ITPR1: variants seen among roughly 807,000 people sequenced by gnomAD.
ITPR1 encodes inositol 1,4,5-trisphosphate receptor type 1.
ITPR1 carries 96 observed loss-of-function variants against 318.4 expected under a neutral mutation model. That is an observed-to-expected ratio of 0.30 (90% confidence interval 0.26 to 0.36). The LOEUF is 0.36. ITPR1 is among the 10% of genes least tolerant of loss of function. ITPR1 has a pLI of 1.00. For synonymous variants in ITPR1, 1,312 were observed against 1,289.9 expected (o/e 1.02, Z -0.37); for missense variants, 2,440 against 3,460.2 (o/e 0.71, Z 7.40).
intron 4 of ITPR1, among the ~76,000 whole-genome samples, chr3:4,609,066 A>ATATAT (rs1553643440): frequency 1.3e-5 from 1 of 78,982 alleles, no homozygotes; most frequent in Admixed American, 1.1e-4. Context: ...ATATATATAT[A>ATATAT]TATATATATA....
chr3:4,705,960 G>T (rs1172688143), intron 36 of ITPR1, among the ~76,000 whole-genome samples: 1 of 152,166 alleles, frequency 6.6e-6, no homozygotes, highest in African/African-American at 2.4e-5. Flanking sequence ...CCTAAGAACT[G>T]CTTCCCCCCA....
chr3:4,548,890 C>T (rs942478667), intron 4 of ITPR1, among the ~76,000 whole-genome samples: 1 of 152,156 alleles, frequency 6.6e-6, no homozygotes, highest in African/African-American at 2.4e-5. Flanking sequence ...CTGGGAACCC[C>T]ATTAAGAAGA....
At chr3:4,677,515 A>G (rs1271258482) in intron 24 of ITPR1, among the ~76,000 whole-genome samples, 1 of 152,188 alleles carries the variant, frequency 6.6e-6, no homozygotes, top group Admixed American at 6.5e-5. Context: ...GGGAAAGGGT[A>G]TCTGAGGCAG....
At chr3:4,539,336 C>T (rs919614188) in intron 4 of ITPR1, among the ~76,000 whole-genome samples, 2 of 152,018 alleles carry the variant, frequency 1.3e-5, no homozygotes, top group Non-Finnish European at 2.9e-5. Flanking sequence ...TGCTTTGTGG[C>T]CTAGCAAGTT....
At chr3:4,658,004 T>A (rs755193357) in intron 12 of ITPR1, 120 bp from the exon 13 acceptor site, 2 of 951,762 alleles carry the variant, frequency 2.1e-6, no homozygotes, top group Admixed American at 2.4e-5. Flanking sequence ...GTGGTCCTTT[T>A]CCTGCCAACT....
chr3:4,772,654 A>G (rs2046257382), intron 46 of ITPR1, among the ~76,000 whole-genome samples: 1 of 152,170 alleles, frequency 6.6e-6, no homozygotes, highest in Admixed American at 6.5e-5. Context: ...ACCCATCTCA[A>G]CTTGGTCCCA....
chr3:4,577,724 C>T (rs545991232), intron 4 of ITPR1, among the ~76,000 whole-genome samples: 8 of 152,242 alleles, frequency 5.3e-5, no homozygotes, highest in East Asian at 1.9e-4. Flanking sequence ...TTCTTTTGTA[C>T]GTCACTGAAA....
intron 39 of ITPR1, among the ~76,000 whole-genome samples, chr3:4,717,012 C>T (rs1358757702): frequency 6.6e-6 from 1 of 152,200 alleles, no homozygotes; most frequent in African/African-American, 2.4e-5. Context: ...TCTACTCTTT[C>T]CCACCCTCTT....
intron 31 of ITPR1, among the ~76,000 whole-genome samples, chr3:4,690,201 G>A (rs1183686756): frequency 1.3e-5 from 2 of 152,208 alleles, no homozygotes; most frequent in African/African-American, 2.4e-5. Flanking sequence ...CTTGAACTCA[G>A]GAGGTGGAGG....
At position 4,846,237 on chromosome 3, in the gene ITPR1, A is replaced by G. The variant is rs2051769943; in HGVS notation, c.*12A>G. 7 of 1,521,490 alleles carry G rather than the reference A, an allele frequency of 4.6e-6. No homozygotes were observed. Among genetic ancestry groups the G allele is most frequent in the Non-Finnish European group, 6.3e-6 (7 of 1,118,428 alleles). 94.2% of individuals were successfully genotyped at this position (1,521,490 alleles called of 1,614,324 possible). The stretch of plus-strand genomic sequence containing the variant: ...AACAACCAGCATAAGCAAATGAAAG[A>G]AAGGAATTGTATTTACCTTTTATAA... On this transcript the variant is annotated 3_prime_UTR_variant, in exon 62 of 62. Transcript: ENST00000649015.
intron 4 of ITPR1, among the ~76,000 whole-genome samples, chr3:4,614,252 C>G (rs887032465): frequency 6.6e-6 from 1 of 152,164 alleles, no homozygotes; most frequent in Non-Finnish European, 1.5e-5. Context: ...GGTGACAGAA[C>G]AAGACCTTAT....
chr3:4,771,175 A>G (rs543708893), intron 46 of ITPR1, among the ~76,000 whole-genome samples: 1 of 152,312 alleles, frequency 6.6e-6, no homozygotes, highest in African/African-American at 2.4e-5. Flanking sequence ...CTCTGTGCCC[A>G]GCACCCATGG....
intron 53 of ITPR1, among the ~76,000 whole-genome samples, chr3:4,796,751 C>G (rs1283711997): frequency 3.9e-5 from 6 of 152,186 alleles, no homozygotes; most frequent in Non-Finnish European, 8.8e-5. Flanking sequence ...GACTTAAGGT[C>G]TCTGCCTGGC....
intron 44 of ITPR1, among the ~76,000 whole-genome samples, chr3:4,741,656 T>C (rs1319944865): frequency 6.6e-6 from 1 of 151,998 alleles, no homozygotes; most frequent in Non-Finnish European, 1.5e-5. Context: ...AGGGACACGT[T>C]GGTTGGGCTA....
At chr3:4,777,455 A>G (rs902353063) in intron 48 of ITPR1, 81 bp downstream of exon 48, 4 of 789,618 alleles carry the variant, frequency 5.1e-6, no homozygotes, top group African/African-American at 3.4e-5. Flanking sequence ...CACATGGGCA[A>G]TTAGTCATGA....
At chr3:4,691,424 C>A (rs2125245830) in intron 32 of ITPR1, 80 bp downstream of exon 32, 1 of 929,074 alleles carries the variant, frequency 1.1e-6, no homozygotes. Context: ...TCTGTATGAA[C>A]TTGCACCCTC....
intron 12 of ITPR1, among the ~76,000 whole-genome samples, chr3:4,655,840 G>A (rs186582066): frequency 6.6e-6 from 1 of 152,152 alleles, no homozygotes; most frequent in Non-Finnish European, 1.5e-5. Flanking sequence ...CATGGAGAGG[G>A]GATCTTACCC....
At chr3:4,757,883 C>T (rs992815079) in intron 44 of ITPR1, among the ~76,000 whole-genome samples, 1 of 152,184 alleles carries the variant, frequency 6.6e-6, no homozygotes, top group Non-Finnish European at 1.5e-5. Flanking sequence ...CTCTTGGTAG[C>T]CACTGGCGTT....
chr3:4,605,203 C>T (rs562274622), intron 4 of ITPR1, among the ~76,000 whole-genome samples: 4 of 152,266 alleles, frequency 2.6e-5, no homozygotes, highest in South Asian at 2.1e-4. Flanking sequence ...AACTCCACCT[C>T]GGCCTCCCAA....
Sources: allele counts gnomAD v4.1 joint callset (sites outside exome capture counted in the v4.1 genomes callset), GRCh38; gene constraint gnomAD v4.1.1; transcripts MANE v1.5; gene names NCBI Gene and HGNC (gene_info 2026-07-23, HGNC 2026-07-21).